MAF: variants seen among roughly 807,000 people sequenced by gnomAD.
MAF encodes MAF bZIP transcription factor.
In MAF, 10 loss-of-function variants were observed where a neutral mutation model predicts 22.0. The observed-to-expected ratio is 0.45, with a 90% CI of 0.28 to 0.77. MAF has a LOEUF of 0.77. MAF is among the 30% of genes least tolerant of loss of function. The pLI is 0.12. For synonymous variants in MAF, 337 were observed against 255.8 expected, an observed-to-expected ratio of 1.32 and a Z score of -3.03; for missense variants, 544 against 548.4, an observed-to-expected ratio of 0.99 and a Z score of 0.08.
At chr16:79,565,983 G>A in the MAF span, among the ~76,000 whole-genome samples, 7 of 152,082 alleles carry the variant, frequency 4.6e-5, no homozygotes, top group African/African-American at 1.7e-4. Context: ...CAGACTCTAG[G>A]CCATGCACAA....
rs1913764509 is a variant in MAF at position 79,598,827 on chromosome 16, T to C, written c.1076A>G (p.Asn359Ser). ...GGACGGGTTGTCGCTGCTCGAGCCG[T>C]TTTCTCGGAAGCCGCTGCTCACCAA... ...EKLVSSGFRE[N>S]GSSSDNPSSP... The change falls in exon 1 of 2, where the codon AAC (asparagine) becomes AGC (serine). Residue 359 changes from asparagine (N) to serine (S), a missense_variant. By Grantham distance (46) the Asn-to-Ser change is conservative (BLOSUM62 1). Transcript: ENST00000326043. 1 of 1,613,580 alleles carries C rather than the reference T, an allele frequency of 6.2e-7. No homozygotes were observed. Among genetic ancestry groups the C allele is most frequent in the Non-Finnish European group, 8.5e-7 (1 of 1,179,926 alleles).
the MAF span, among the ~76,000 whole-genome samples, chr16:79,439,272 T>C: frequency 4.0e-5 from 6 of 148,846 alleles, no homozygotes; most frequent in East Asian, 1.9e-4. Flanking sequence ...TTTTTTTTTT[T>C]TTTTTTTGAG....
At chr16:79,203,090 A>T in the MAF span, 102 of 152,346 alleles carry the variant, frequency 6.7e-4, no homozygotes, top group African/African-American at 2.4e-3. Context: ...AGCACACACG[A>T]TCATTTCCTA....
At chr16:79,220,034 T>G in the MAF span, among the ~76,000 whole-genome samples, 1 of 152,198 alleles carries the variant, frequency 6.6e-6, no homozygotes, top group South Asian at 2.1e-4. Context: ...GGTGGGCAGA[T>G]CACCTGAGGT....
chr16:79,502,113 C>T, the MAF span, among the ~76,000 whole-genome samples: 3 of 152,138 alleles, frequency 2.0e-5, no homozygotes, highest in Non-Finnish European at 2.9e-5. Flanking sequence ...ATCTATTTCT[C>T]CCAGCCGAGT....
the MAF span, chr16:79,211,522 C>T: frequency 6.3e-7 from 1 of 1,574,808 alleles, no homozygotes; most frequent in Non-Finnish European, 8.7e-7. Flanking sequence ...TGGGGGAGGC[C>T]TGCTAATGCC....
the MAF span, among the ~76,000 whole-genome samples, chr16:79,210,109 C>G: frequency 6.6e-6 from 1 of 152,176 alleles, no homozygotes; most frequent in African/African-American, 2.4e-5. Flanking sequence ...ATTATCAAAA[C>G]CCAAGTCTTT....
chr16:79,273,716 G>A, the MAF span, among the ~76,000 whole-genome samples: 2 of 152,034 alleles, frequency 1.3e-5, no homozygotes, highest in African/African-American at 2.4e-5. Context: ...AAGAACTCTT[G>A]TGAATAATTA....
the MAF span, among the ~76,000 whole-genome samples, chr16:79,268,824 G>A: frequency 4.5e-4 from 69 of 152,272 alleles, no homozygotes; most frequent in African/African-American, 1.6e-3. Context: ...CACACAAGCC[G>A]CATTGTCAGA....
At chr16:79,273,017 T>C in the MAF span, among the ~76,000 whole-genome samples, 1 of 152,244 alleles carries the variant, frequency 6.6e-6, no homozygotes, top group Non-Finnish European at 1.5e-5. Context: ...GTAAGAAGTA[T>C]GTTAAAATGA....
At chr16:79,597,277 GC>G in intron 1 of MAF, 1 of 1,044,722 alleles carries the variant, frequency 9.6e-7, no homozygotes, top group Non-Finnish European at 1.2e-6. Flanking sequence ...TTTTAACTGG[GC>G]TAACAGATTA....
At chr16:79,486,700 G>C in the MAF span, among the ~76,000 whole-genome samples, 1 of 152,174 alleles carries the variant, frequency 6.6e-6, no homozygotes, top group African/African-American at 2.4e-5. Flanking sequence ...GACAGAGAGA[G>C]AGCATAAAAT....
At chr16:79,281,359 G>C in the MAF span, among the ~76,000 whole-genome samples, 1 of 151,942 alleles carries the variant, frequency 6.6e-6, no homozygotes, top group Non-Finnish European at 1.5e-5. Flanking sequence ...TACAATCTAT[G>C]GTTTAATAAA....
chr16:79,323,902 C>A, the MAF span, among the ~76,000 whole-genome samples: 2 of 152,138 alleles, frequency 1.3e-5, no homozygotes, highest in African/African-American at 4.8e-5. Flanking sequence ...TTATTGCCTA[C>A]GGCGGGGTCA....
chr16:79,203,467 C>A, the MAF span: 1 of 151,380 alleles, frequency 6.6e-6, no homozygotes, highest in African/African-American at 2.4e-5. Context: ...AATTCCTTCC[C>A]ATGATGTGGC....
At chr16:79,559,079 G>A in the MAF span, among the ~76,000 whole-genome samples, 7 of 152,078 alleles carry the variant, frequency 4.6e-5, no homozygotes, top group Admixed American at 2.0e-4. Flanking sequence ...TCTAATTGCC[G>A]TTTCTGAAAC....
At chr16:79,592,611 T>A (rs1207177071), downstream of MAF, among the ~76,000 whole-genome samples, 1 of 152,224 alleles carries the variant, frequency 6.6e-6, no homozygotes, top group African/African-American at 2.4e-5. Context: ...ACCTGGGACA[T>A]CTTCTTTTAG....
the MAF span, among the ~76,000 whole-genome samples, chr16:79,441,557 A>G: frequency 6.6e-6 from 1 of 152,198 alleles, no homozygotes. Flanking sequence ...ATTTCATAAC[A>G]TTTTTACAGA....
the MAF span, among the ~76,000 whole-genome samples, chr16:79,221,921 T>C: frequency 6.6e-6 from 1 of 152,224 alleles, no homozygotes; most frequent in Non-Finnish European, 1.5e-5. Context: ...GTCTTTGATT[T>C]TTTTTCATTA....
Sources: gnomAD v4.1 joint callset for allele counts (sites outside exome capture counted in the v4.1 genomes callset) on GRCh38, gnomAD v4.1.1 for gene constraint, MANE v1.5 for transcripts, NCBI Gene and HGNC (gene_info 2026-07-23, HGNC 2026-07-21) for gene names.